The following BSN variants were observed in gnomAD, a reference collection of about 807,000 sequenced individuals.
The protein encoded by BSN is protein bassoon.
In BSN, 57 loss-of-function variants were observed where a neutral mutation model predicts 264.8. That is an observed-to-expected ratio of 0.22 (90% CI 0.17 to 0.27). The LOEUF (loss-of-function observed/expected upper bound fraction) is 0.27, where lower values mean the gene tolerates loss of function less well. Ranked by LOEUF, BSN falls within the 10% of genes least tolerant of loss-of-function variation. BSN has a pLI of 1.00. For synonymous variants in BSN, 2,059 were observed against 2,137.3 expected (o/e 0.96, Z 1.01); for missense variants, 4,615 against 5,232.5 (o/e 0.88, Z 3.64).
Position 49,656,698 on chromosome 3 carries a change from A to C in BSN, c.7142A>C (p.Glu2381Ala), listed in dbSNP as rs1575450213. ...QLLQLERERV[E>A]LEKLRQLRLQ... ...CTCCAGCTAGAGCGGGAGCGGGTGG[A>C]GTTGGAGAAGCTGCGACAACTTCGG... The change falls in exon 5 of 12, where the codon GAG becomes GCG. Residue 2381 changes from glutamate (E) to alanine (A), a missense_variant. Transcript: ENST00000296452. 6 of 1,586,454 alleles carry C rather than the reference A, an allele frequency of 3.8e-6. No individual in the cohort carries two copies. In the East Asian group the frequency reaches 1.4e-4, roughly 36 times the overall value.
rs541981617 is a variant in BSN at position 49,663,984 on chromosome 3, C to G, written c.11608+98C>G. ...CCCTGAGCTCCCCCACACTGCATGCCCTCACTAATCCCTGAGAAGGTGCCC... is the reference window on the plus strand; with the variant it reads ...CCCTGAGCTCCCCCACACTGCATGCGCTCACTAATCCCTGAGAAGGTGCCC... On this transcript the variant is annotated intron_variant, in intron 8 of 11. Transcript: ENST00000296452. 5 of 1,146,294 alleles carry G rather than the reference C, an allele frequency of 4.4e-6. No homozygotes were observed. The East Asian group carries it at 7.5e-5, about 17-fold the overall frequency. The allele number at this position is 1,146,294 out of a possible 1,614,324, so 71.0% of individuals were successfully genotyped here.
chr3:49,580,503 C>T (rs1028959658), intron 1 of BSN, among the ~76,000 whole-genome samples: 7 of 152,030 alleles, frequency 4.6e-5, no homozygotes, highest in Admixed American at 2.6e-4. Context: ...GCGATCATGA[C>T]GCACTGCAGC....
chr3:49,669,517 A>G lies in BSN; in HGVS notation c.*2032A>G, dbSNP rs1354127388. 6.5e-6 allele frequency: 1 copy of G among 152,686 alleles called. No individual in the cohort carries two copies. The highest frequency in any genetic ancestry group is 6.5e-5 in the Admixed American group (1 of 15,286). The allele number at this position is 152,686 out of a possible 1,614,324, so 9.5% of individuals were successfully genotyped here. On this transcript the variant is annotated 3_prime_UTR_variant, in exon 12 of 12. Coordinates refer to ENST00000296452, the MANE Select transcript of BSN (RefSeq NM_003458.4). ...GGGCGGCATCCACAGCCAGAGAGGC[A>G]GAGGCAAGAGCAGAGCCAGGCTGTG...
intron 1 of BSN, among the ~76,000 whole-genome samples, chr3:49,605,463 A>ATATAT (rs2052111475): frequency 4.4e-4 from 5 of 11,454 alleles, no homozygotes; most frequent in Admixed American, 4.7e-3. Context: ...AATATATATT[A>ATATAT]TATATAATAT....
Position 49,663,310 on chromosome 3 carries a change from G to T in BSN, c.11152G>T (p.Ala3718Ser). Residue 3718 changes from alanine (A) to serine (S), a missense_variant, in exon 7 of 12, where the codon GCC becomes TCC. Ala to Ser is a moderately conservative substitution (Grantham distance 99, BLOSUM62 1). This residue lies in a region of BSN where 3,415 missense variants were observed against 3,866.4 expected (regional missense o/e 0.88). Transcript: ENST00000296452. ...PSRASSAYHHASDSKKGSRQA... is the reference protein window; with the variant it reads ...PSRASSAYHHSSDSKKGSRQA... ...CCGTGCTTCATCCGCATACCATCAT[G>T]CCTCTGACAGCAAGAAGGGCTCCCG... 6.2e-7 allele frequency: 1 copy of T among 1,614,026 alleles called. No homozygotes were observed. Among genetic ancestry groups the T allele is most frequent in the South Asian group, 1.1e-5 (1 of 91,082 alleles).
intron 8 of BSN, 52 bp from the exon 9 acceptor site, chr3:49,664,371 C>A: frequency 1.2e-6 from 2 of 1,612,740 alleles, no homozygotes; most frequent in Non-Finnish European, 1.7e-6. Flanking sequence ...CCTCTTAGAC[C>A]CTAAAGAGCC....
chr3:49,602,659 T>C (rs1444635098), intron 1 of BSN, among the ~76,000 whole-genome samples: 2 of 152,100 alleles, frequency 1.3e-5, no homozygotes, highest in Non-Finnish European at 2.9e-5. Context: ...TTGGCCAGGC[T>C]GGTCTTGAAC....
intron 7 of BSN, 59 bp downstream of exon 7, chr3:49,663,725 G>T: frequency 6.2e-7 from 1 of 1,610,040 alleles, no homozygotes; most frequent in South Asian, 1.1e-5. Context: ...ATGAAGCTTG[G>T]ACATCCCCTT....
chr3:49,612,204 C>T (rs1056795997), intron 1 of BSN, among the ~76,000 whole-genome samples: 8 of 150,758 alleles, frequency 5.3e-5, no homozygotes, highest in Non-Finnish European at 1.0e-4. Context: ...GGTGCAATCT[C>T]GGCTCACTGC....
At chr3:49,624,848 A>T in intron 1 of BSN, 127 bp from the exon 2 acceptor site, 1 of 862,542 alleles carries the variant, frequency 1.2e-6, no homozygotes, top group Non-Finnish European at 1.7e-6. Flanking sequence ...GAGGGCCATG[A>T]TGATTCTTCT....
Position 49,653,895 on chromosome 3 carries a change from C to T in BSN, c.4339C>T (p.Arg1447Ter), listed in dbSNP as rs1045419936. 1 of 1,614,070 alleles carries T rather than the reference C, an allele frequency of 6.2e-7. No homozygotes were observed. Among genetic ancestry groups the T allele is most frequent in the Non-Finnish European group, 8.5e-7 (1 of 1,179,972 alleles). ...QAPSGLAAAG[R>*]AAREKPLSAS... ...CCCCAGTGGCCTTGCTGCAGCTGGA[C>T]GAGCTGCTAGAGAGAAGCCCTTGAG... Residue 1447 changes from arginine (R) to a stop codon, truncating the protein, a stop_gained, in exon 5 of 12, where the codon CGA (arginine) becomes TGA (stop). Coordinates refer to ENST00000296452, the MANE Select transcript of BSN (RefSeq NM_003458.4). LOFTEE classifies it high-confidence loss of function. This position sits in a 1 kb window ranked among gnomAD's most constrained non-coding sequence, Gnocchi z 6.3.
rs755573131 is a variant in BSN at position 49,651,278 on chromosome 3, G to T, written c.1986+199G>T. On this transcript the variant is annotated intron_variant, in intron 4 of 11. Coordinates refer to ENST00000296452, the MANE Select transcript of BSN (RefSeq NM_003458.4). The surrounding 1 kb of genome is among the most constrained non-coding windows in gnomAD (Gnocchi z 5.4). Reference sequence around the variant, plus strand: ...ACTGTGGGTTTTACACTGGTGCTGTGTCTGGCACCTTGTCAGATGCTTTGC... The same window carrying T: ...ACTGTGGGTTTTACACTGGTGCTGTTTCTGGCACCTTGTCAGATGCTTTGC... The T allele has an allele frequency of 4.2e-5, 27 of 641,762 alleles. No homozygotes were observed. Among genetic ancestry groups the T allele is most frequent in the Non-Finnish European group, 7.0e-5 (27 of 385,866 alleles). The allele number at this position is 641,762 out of a possible 1,614,324, so 39.8% of individuals were successfully genotyped here.
intron 1 of BSN, among the ~76,000 whole-genome samples, chr3:49,591,285 A>T (rs920222004): frequency 2.0e-5 from 3 of 152,224 alleles, no homozygotes; most frequent in Non-Finnish European, 4.4e-5. Flanking sequence ...ACATAGAAAC[A>T]ATACAGACAC....
rs747764784 is a variant in BSN, at chr3:49,651,076, G to A, written c.1983G>A (p.Ala661=). The A allele has an allele frequency of 2.1e-5, 34 of 1,609,194 alleles. No homozygotes were observed. The highest frequency in any genetic ancestry group is 1.7e-4 in the Middle Eastern group (1 of 6,020). Residue 661 remains alanine, a synonymous_variant, in exon 4 of 12, where the codon GCG becomes GCA. Coordinates refer to ENST00000296452, the MANE Select transcript of BSN (RefSeq NM_003458.4). This position sits in a 1 kb window ranked among gnomAD's most constrained non-coding sequence, Gnocchi z 5.4. ...AVPEAPKGGE[A]EDLVGKPYSQ... is the part of the protein sequence containing the mutation. ...CAGAAGCCCCCAAGGGTGGGGAGGC[G>A]GAGGTCAGTCCCATTCACTTCCCAG...
intron 2 of BSN, among the ~76,000 whole-genome samples, chr3:49,637,286 C>CG (rs2052426947): frequency 2.6e-5 from 4 of 152,114 alleles, no homozygotes; most frequent in Middle Eastern, 3.4e-3. Flanking sequence ...CATGTGACTT[C>CG]GGGGGGCTCT....
At chr3:49,650,586 C>T in intron 3 of BSN, 26 bp from the exon 4 acceptor site, 3 of 1,563,702 alleles carry the variant, frequency 1.9e-6, no homozygotes, top group Non-Finnish European at 1.7e-6. Context: ...TAATTTTCAT[C>T]AACCCCCTCT....
intron 1 of BSN, among the ~76,000 whole-genome samples, chr3:49,620,456 G>GA (rs1327497684): frequency 5.5e-4 from 79 of 144,478 alleles, no homozygotes; most frequent in African/African-American, 9.9e-4. Context: ...AAAAAAAAAA[G>GA]AAAAAAAAAA....
rs1354809573 is a variant in BSN at position 49,638,738 on chromosome 3, C to T, written c.634-3530C>T. ...GGGGCTGGGGAAAGGAAAGTTCTGG[C>T]GGTGAGTGCAGGCGGTTTGGCACGT... is the stretch of plus-strand genomic sequence containing the variant. On this transcript the variant is annotated intron_variant, in intron 2 of 11. Coordinates refer to ENST00000296452, the MANE Select transcript of BSN (RefSeq NM_003458.4). The surrounding 1 kb of genome is among the most constrained non-coding windows in gnomAD (Gnocchi z 4.3). 3.9e-5 allele frequency among the ~76,000 whole-genome samples: 6 copies of T among 152,190 alleles called. No individual in the cohort carries two copies. Among genetic ancestry groups the T allele is most frequent in the Non-Finnish European group, 7.4e-5 (5 of 68,026 alleles).
Position 49,608,023 on chromosome 3 carries a change from A to G in BSN, c.225-16952A>G, listed in dbSNP as rs539453087. Among the ~76,000 whole-genome samples, 99 of 152,290 alleles carry G rather than the reference A, an allele frequency of 6.5e-4. 3 individuals are homozygous for G. The South Asian group carries it at 0.014, about 22-fold the overall frequency. On this transcript the variant is annotated intron_variant, in intron 1 of 11. Coordinates refer to ENST00000296452, the MANE Select transcript of BSN (RefSeq NM_003458.4). ...AAGAATGGGAGGAGGGTATGGAGGG[A>G]TAGAGGTCCTCTCCTGCGGGAAGCC...
Sources: allele counts gnomAD v4.1 joint callset (sites outside exome capture counted in the v4.1 genomes callset), GRCh38; gene constraint gnomAD v4.1.1; regional missense constraint gnomAD v4.1.1; non-coding constraint Gnocchi (gnomAD v3.1); transcripts MANE v1.5; gene names NCBI Gene and HGNC (gene_info 2026-07-23, HGNC 2026-07-21).